VAC14: variants seen among roughly 807,000 people sequenced by gnomAD.
VAC14 encodes protein VAC14 homolog.
In VAC14, 47 loss-of-function variants were observed where a neutral mutation model predicts 85.3. That is an observed-to-expected ratio of 0.55 (90% CI 0.44 to 0.70). The LOEUF (loss-of-function observed/expected upper bound fraction) is 0.70, where lower values mean the gene tolerates loss of function less well. VAC14 is among the 30% of genes least tolerant of loss of function. The pLI, the probability that VAC14 is intolerant of heterozygous loss-of-function variation, is 0.00. For synonymous variants in VAC14, 447 were observed against 430.5 expected, an observed-to-expected ratio of 1.04 and a Z score of -0.47; for missense variants, 861 against 1,004.3, an observed-to-expected ratio of 0.86 and a Z score of 1.93.
intron 17 of VAC14, among the ~76,000 whole-genome samples, chr16:70,694,822 A>G (rs139538552): frequency 1.3e-5 from 2 of 152,352 alleles, no homozygotes; most frequent in Non-Finnish European, 2.9e-5. Context: ...CTCCCAGCAA[A>G]TGCCAACTCT....
intron 14 of VAC14, among the ~76,000 whole-genome samples, chr16:70,730,615 G>C (rs932113193): frequency 7.1e-5 from 3 of 42,264 alleles, no homozygotes; most frequent in Admixed American, 2.5e-4. Flanking sequence ...TTTTTTTTTT[G>C]GAGACAGAGT....
In VAC14 at chr16:70,784,196, A is replaced by G; in HGVS notation, c.511T>C (p.Phe171Leu). ...LKDIVTESNKFDLVSFIPLLR... is the reference protein window; with the variant it reads ...LKDIVTESNKLDLVSFIPLLR... Reference sequence around the variant, plus strand: ...AAGGGGATGAAGCTCACCAGGTCAAACTTGTTGCTCTCAGTCACAATGTCC... The same window carrying G: ...AAGGGGATGAAGCTCACCAGGTCAAGCTTGTTGCTCTCAGTCACAATGTCC... The change falls in exon 5 of 19, where the codon TTT becomes CTT. Residue 171 changes from phenylalanine (F) to leucine (L), a missense_variant. Physicochemically the swap from Phe to Leu is conservative, Grantham distance 22. Around this residue, in one of 3 missense-constraint regions of VAC14, gnomAD observed 629 missense variants for 703.1 expected, o/e 0.89. Transcript: ENST00000261776. 3 of 1,614,190 alleles carry G rather than the reference A, an allele frequency of 1.9e-6. No individual in the cohort carries two copies. The highest frequency in any genetic ancestry group is 2.5e-6 in the Non-Finnish European group (3 of 1,180,028).
rs144953316 is a variant in VAC14 at position 70,787,098 on chromosome 16, G to A, written c.105-733C>T. On this transcript the variant is annotated intron_variant, in intron 1 of 18. Transcript: ENST00000261776. ...GAGACAGGTAAAGAAAAGATGAGCC[G>A]GTGAAAGTTTTCCAGCAAGGGATGA... 2.3e-3 allele frequency among the ~76,000 whole-genome samples: 348 copies of A among 152,268 alleles called. 1 individual carries two copies. The highest frequency in any genetic ancestry group is 0.011 in the South Asian group (53 of 4,822).
intron 12 of VAC14, among the ~76,000 whole-genome samples, chr16:70,755,795 C>A (rs984617270): frequency 1.1e-4 from 16 of 152,334 alleles, no homozygotes; most frequent in African/African-American, 3.8e-4. Context: ...GGGGCCTCTA[C>A]TTTAGTGGAA....
chr16:70,705,425 G>A (rs543129720), intron 14 of VAC14, among the ~76,000 whole-genome samples: 2 of 152,382 alleles, frequency 1.3e-5, no homozygotes, highest in Non-Finnish European at 2.9e-5. Flanking sequence ...GGCCAACCTG[G>A]CGCTCAAGGG....
chr16:70,747,695 C>T (rs2031026215), intron 12 of VAC14: 2 of 152,204 alleles, frequency 1.3e-5, no homozygotes. Flanking sequence ...CCATGCTGCC[C>T]ATCCCACCCA....
At position 70,703,765 on chromosome 16, in the gene VAC14, C is replaced by G. The variant is rs554496155; in HGVS notation, c.1662-4954G>C. ...ACCCAGGCGCTCTCAAAAGAGCAAC[C>G]TGCCCTCGGCCTGCTCTGAACTTCC... On this transcript the variant is annotated intron_variant, in intron 14 of 18. Transcript: ENST00000261776. 2.1e-3 allele frequency among the ~76,000 whole-genome samples: 315 copies of G among 152,326 alleles called. 1 individual carries two copies. Among genetic ancestry groups the G allele is most frequent in the Non-Finnish European group, 3.4e-3 (230 of 68,018 alleles).
chr16:70,698,516 C>T (rs936529364), intron 15 of VAC14, 121 bp downstream of exon 15: 88 of 1,260,964 alleles, frequency 7.0e-5, no homozygotes, highest in Non-Finnish European at 9.3e-5. Flanking sequence ...GGGGAAGTCT[C>T]GATTTCAACC....
chr16:70,706,510 C>T (rs896562224), intron 14 of VAC14, among the ~76,000 whole-genome samples: 71 of 152,142 alleles, frequency 4.7e-4, no homozygotes, highest in African/African-American at 1.7e-3. Flanking sequence ...AGGGGCGAGC[C>T]CTTGTTTATT....
At position 70,757,266 on chromosome 16, in the gene VAC14, G is replaced by A. The variant is rs2031945406; in HGVS notation, c.1371+5274C>T. ...TCTCAAAGGTTTTGCTTTTGTGGCT[G>A]TGGAGGCTCCAATGCAGGTCCTCTG... On this transcript the variant is annotated intron_variant, in intron 12 of 18. Coordinates refer to ENST00000261776, the MANE Select transcript of VAC14 (RefSeq NM_018052.5). Among the ~76,000 whole-genome samples, 3 of 152,240 alleles carry A rather than the reference G, an allele frequency of 2.0e-5. 1 individual carries two copies. Among genetic ancestry groups the A allele is most frequent in the South Asian group, 4.1e-4 (2 of 4,834 alleles).
At chr16:70,752,554 C>A (rs943655321) in intron 12 of VAC14, among the ~76,000 whole-genome samples, 2 of 152,246 alleles carry the variant, frequency 1.3e-5, no homozygotes, top group Non-Finnish European at 2.9e-5. Context: ...GAGAGCAGCA[C>A]GAGAGTGGTG....
intron 13 of VAC14, among the ~76,000 whole-genome samples, chr16:70,742,590 A>G (rs897739940): frequency 6.6e-6 from 1 of 152,236 alleles, no homozygotes; most frequent in African/African-American, 2.4e-5. Context: ...GACTGCCTAG[A>G]ACTGGGCTCC....
chr16:70,750,090 A>G (rs1236180462), intron 12 of VAC14, among the ~76,000 whole-genome samples: 1 of 152,178 alleles, frequency 6.6e-6, no homozygotes, highest in Non-Finnish European at 1.5e-5. Flanking sequence ...AGGCGATCTC[A>G]GTGGCCTGGC....
chr16:70,709,198 C>T (rs1051417579), intron 14 of VAC14, among the ~76,000 whole-genome samples: 2 of 152,180 alleles, frequency 1.3e-5, no homozygotes, highest in African/African-American at 2.4e-5. Flanking sequence ...ATGCCATGTG[C>T]GGCACAGATG....
chr16:70,750,536 C>T (rs1208603190), intron 12 of VAC14, among the ~76,000 whole-genome samples: 3 of 152,156 alleles, frequency 2.0e-5, no homozygotes, highest in African/African-American at 7.2e-5. Flanking sequence ...GGGTTGGTGG[C>T]ACCTGGGTGT....
At chr16:70,794,072 G>T (rs1400868000) in intron 1 of VAC14, among the ~76,000 whole-genome samples, 1 of 152,120 alleles carries the variant, frequency 6.6e-6, no homozygotes, top group Non-Finnish European at 1.5e-5. Flanking sequence ...GGTGACAGTA[G>T]TTGTGACTAC....
chr16:70,746,489 G>A (rs1002690874), intron 12 of VAC14, among the ~76,000 whole-genome samples: 5 of 152,220 alleles, frequency 3.3e-5, no homozygotes, highest in African/African-American at 1.2e-4. Flanking sequence ...CACACAGAGT[G>A]GAGAGCTGAT....
At chr16:70,769,965 C>T (rs151067039) in intron 10 of VAC14, 102 of 152,408 alleles carry the variant, frequency 6.7e-4, no homozygotes, top group African/African-American at 2.2e-3. Context: ...CCACAGCCTC[C>T]AGCGCAAAAG....
At chr16:70,735,027 C>T (rs2054706143) in intron 13 of VAC14, among the ~76,000 whole-genome samples, 1 of 152,046 alleles carries the variant, frequency 6.6e-6, no homozygotes, top group Admixed American at 6.6e-5. Flanking sequence ...GGAGGTGGTG[C>T]CTTGCTATGC....
Sources: allele counts gnomAD v4.1 joint callset (sites outside exome capture counted in the v4.1 genomes callset), GRCh38; gene constraint gnomAD v4.1.1; regional missense constraint gnomAD v4.1.1; transcripts MANE v1.5; gene names NCBI Gene and HGNC (gene_info 2026-07-23, HGNC 2026-07-21).